PPP1R1C: variants seen among roughly 807,000 people sequenced by gnomAD.
PPP1R1C encodes protein phosphatase 1 regulatory subunit 1C.
Under a neutral mutation model 17.4 loss-of-function variants are expected in PPP1R1C, and 15 were observed. The observed-to-expected ratio is 0.86, with a 90% CI of 0.58 to 1.33. PPP1R1C has a LOEUF of 1.33. PPP1R1C is among the 40% of genes most tolerant of loss of function. PPP1R1C has a pLI of 0.00. For synonymous variants in PPP1R1C, 35 were observed against 43.1 expected, an observed-to-expected ratio of 0.81 and a Z score of 0.73; for missense variants, 143 against 130.0, an observed-to-expected ratio of 1.10 and a Z score of -0.48.
chr2:182,043,882 T>C (rs1307890738), intron 2 of PPP1R1C, among the ~76,000 whole-genome samples: 1 of 152,186 alleles, frequency 6.6e-6, no homozygotes, highest in African/African-American at 2.4e-5. Flanking sequence ...TGTCTTCAGC[T>C]CCGCTTTCAC....
chr2:182,088,382 G>A (rs1048353223), intron 4 of PPP1R1C, among the ~76,000 whole-genome samples: 25 of 152,134 alleles, frequency 1.6e-4, no homozygotes, highest in African/African-American at 6.0e-4. Context: ...CTCTTGCTGT[G>A]AAAATCTTCT....
intron 4 of PPP1R1C, among the ~76,000 whole-genome samples, chr2:182,109,792 G>C (rs1245345937): frequency 6.6e-6 from 1 of 152,092 alleles, no homozygotes; most frequent in Non-Finnish European, 1.5e-5. Context: ...CCCACCTCCA[G>C]AGGTCCCTTC....
chr2:182,083,567 A>G (rs1416392260), intron 4 of PPP1R1C, among the ~76,000 whole-genome samples: 1 of 152,164 alleles, frequency 6.6e-6, no homozygotes, highest in Non-Finnish European at 1.5e-5. Context: ...CTCCAACTAC[A>G]TCCAAGTTGT....
chr2:182,061,600 C>A, intron 3 of PPP1R1C, 121 bp downstream of exon 3: 1 of 532,908 alleles, frequency 1.9e-6, no homozygotes, highest in Non-Finnish European at 3.2e-6. Flanking sequence ...ATTGCTCCTT[C>A]TGACTGAATA....
intron 4 of PPP1R1C, among the ~76,000 whole-genome samples, chr2:182,065,628 G>A (rs968034397): frequency 1.3e-5 from 2 of 152,094 alleles, no homozygotes; most frequent in Non-Finnish European, 2.9e-5. Context: ...GGCTGAGGTA[G>A]GAGGATGGCT....
At chr2:182,115,163 G>A (rs1574463579) in intron 4 of PPP1R1C, among the ~76,000 whole-genome samples, 1 of 152,110 alleles carries the variant, frequency 6.6e-6, no homozygotes, top group Non-Finnish European at 1.5e-5. Flanking sequence ...AAGAAGAGTG[G>A]TAGGTGGCTG....
At chr2:182,036,971 T>A (rs1366840886) in intron 2 of PPP1R1C, among the ~76,000 whole-genome samples, 1 of 152,172 alleles carries the variant, frequency 6.6e-6, no homozygotes, top group Non-Finnish European at 1.5e-5. Context: ...AAGGAACACA[T>A]AACAACATGT....
chr2:182,117,351 G>A lies in PPP1R1C; in HGVS notation c.*56G>A, dbSNP rs192790053. 2.3e-6 allele frequency: 3 copies of A among 1,281,752 alleles called. No homozygotes were observed. In the East Asian group the frequency reaches 7.6e-5, roughly 32 times the overall value. The allele number at this position is 1,281,752 out of a possible 1,614,324, so 79.4% of individuals were successfully genotyped here. On this transcript the variant is annotated 3_prime_UTR_variant, in exon 5 of 5. Transcript: ENST00000682840. The stretch of plus-strand genomic sequence containing the variant: ...AAATAACTGAACTATTAACTTTTCT[G>A]AGTATACCATGGAATTCCACTGCTT...
chr2:182,082,619 A>G (rs1003724588), intron 4 of PPP1R1C, among the ~76,000 whole-genome samples: 6 of 152,298 alleles, frequency 3.9e-5, no homozygotes, highest in Middle Eastern at 3.4e-3. Context: ...GGAAGAACAT[A>G]GACTCAATAA....
At chr2:181,966,129 C>A (rs1684899966) in intron 1 of PPP1R1C, among the ~76,000 whole-genome samples, 1 of 152,062 alleles carries the variant, frequency 6.6e-6, no homozygotes, top group Non-Finnish European at 1.5e-5. Flanking sequence ...CATATAGAAG[C>A]ACTACTAATT....
At chr2:182,035,741 G>A (rs1317062573) in intron 2 of PPP1R1C, among the ~76,000 whole-genome samples, 2 of 152,036 alleles carry the variant, frequency 1.3e-5, no homozygotes, top group Non-Finnish European at 2.9e-5. Flanking sequence ...GTTTCCCGAG[G>A]CCTCCTCAGC....
At chr2:182,100,492 G>C (rs987127705) in intron 4 of PPP1R1C, among the ~76,000 whole-genome samples, 1 of 149,374 alleles carries the variant, frequency 6.7e-6, no homozygotes, top group African/African-American at 2.5e-5. Flanking sequence ...ACTAGCAACA[G>C]AGCGAGATTC....
intron 4 of PPP1R1C, among the ~76,000 whole-genome samples, chr2:182,093,845 C>A (rs1395167181): frequency 2.6e-5 from 4 of 152,182 alleles, no homozygotes; most frequent in African/African-American, 9.7e-5. Context: ...TGGTCAAAGC[C>A]ATTCAACAAG....
intron 2 of PPP1R1C, among the ~76,000 whole-genome samples, chr2:181,990,003 A>G (rs1685411982): frequency 6.6e-6 from 1 of 152,232 alleles, no homozygotes; most frequent in Non-Finnish European, 1.5e-5. Context: ...TACTGGGGAA[A>G]TAACTCTAAA....
At chr2:182,070,801 G>A (rs1212906271) in intron 4 of PPP1R1C, among the ~76,000 whole-genome samples, 3 of 152,182 alleles carry the variant, frequency 2.0e-5, no homozygotes, top group Non-Finnish European at 4.4e-5. Flanking sequence ...GCACCTGCTC[G>A]GCTTCTGGGG....
At chr2:182,077,216 A>G (rs973319355) in intron 4 of PPP1R1C, among the ~76,000 whole-genome samples, 3 of 149,798 alleles carry the variant, frequency 2.0e-5, no homozygotes, top group Non-Finnish European at 4.4e-5. Flanking sequence ...ACATTGCTAC[A>G]TTAAACTGTT....
chr2:182,097,944 T>C (rs994659691), intron 4 of PPP1R1C, among the ~76,000 whole-genome samples: 50 of 152,296 alleles, frequency 3.3e-4, no homozygotes, highest in African/African-American at 1.1e-3. Flanking sequence ...TTCAGGTCTC[T>C]TTTACCTCTC....
chr2:181,987,793 A>C, intron 1 of PPP1R1C, 46 bp from the exon 2 acceptor site: 1 of 1,588,376 alleles, frequency 6.3e-7, no homozygotes, highest in South Asian at 1.1e-5. Context: ...AACCTGGAGC[A>C]GTGTCTAATA....
intron 2 of PPP1R1C, among the ~76,000 whole-genome samples, chr2:182,056,374 T>C (rs935301174): frequency 6.6e-6 from 1 of 152,246 alleles, no homozygotes; most frequent in African/African-American, 2.4e-5. Context: ...GATGTTTAAC[T>C]AATTTTTGAC....
Sources: allele counts gnomAD v4.1 joint callset (sites outside exome capture counted in the v4.1 genomes callset), GRCh38; gene constraint gnomAD v4.1.1; transcripts MANE v1.5; gene names NCBI Gene and HGNC (gene_info 2026-07-23, HGNC 2026-07-21).